GALNT2: variants seen among roughly 807,000 people sequenced by gnomAD.
The protein encoded by GALNT2 is polypeptide N-acetylgalactosaminyltransferase 2, also known as UDP-GalNAc:polypeptide N-acetylgalactosaminyltransferase 2.
In GALNT2, 31 loss-of-function variants were observed where a neutral mutation model predicts 81.4. The ratio of observed to expected loss-of-function variants is 0.38; its 90% CI spans 0.29 to 0.51. The LOEUF is 0.51. Ranked by LOEUF, GALNT2 falls within the 20% of genes least tolerant of loss-of-function variation. The pLI is 0.87. For missense variants in GALNT2, 629 were observed against 765.7 expected (o/e 0.82, Z 2.11); for synonymous variants, 303 against 287.4 (o/e 1.05, Z -0.55).
intron 3 of GALNT2, among the ~76,000 whole-genome samples, chr1:230,230,417 C>T (rs545296338): frequency 2.6e-5 from 4 of 152,298 alleles, no homozygotes; most frequent in South Asian, 2.1e-4. Context: ...AGTTTTTCCA[C>T]GGGAACCTGA....
intron 1 of GALNT2, among the ~76,000 whole-genome samples, chr1:230,059,688 C>T (rs183494822): frequency 4.3e-4 from 65 of 152,198 alleles, no homozygotes; most frequent in South Asian, 8.3e-4. Flanking sequence ...TTAAAGAAAA[C>T]GATTTCAAAC....
intron 14 of GALNT2, among the ~76,000 whole-genome samples, chr1:230,272,171 A>G (rs541215813): frequency 3.0e-4 from 46 of 152,314 alleles, no homozygotes; most frequent in African/African-American, 1.1e-3. Flanking sequence ...ATGATGTCAC[A>G]CTGTCCTAGA....
intron 1 of GALNT2, among the ~76,000 whole-genome samples, chr1:230,091,288 A>C (rs186096044): frequency 6.6e-6 from 1 of 150,760 alleles, no homozygotes; most frequent in East Asian, 2.0e-4. Flanking sequence ...GTTGGCCAGG[A>C]TGGTCTTGAT....
At chr1:230,278,849 C>T (rs901954650) in intron 15 of GALNT2, among the ~76,000 whole-genome samples, 1 of 152,218 alleles carries the variant, frequency 6.6e-6, no homozygotes, top group Non-Finnish European at 1.5e-5. Flanking sequence ...GGTGCCCAGA[C>T]CAAGGCCTCC....
At chr1:230,130,558 G>A (rs1661335341) in intron 1 of GALNT2, among the ~76,000 whole-genome samples, 1 of 152,166 alleles carries the variant, frequency 6.6e-6, no homozygotes, top group South Asian at 2.1e-4. Flanking sequence ...GTCAGCCAGC[G>A]TGAGTCACGT....
chr1:230,058,602 G>C (rs1658974041), intron 1 of GALNT2, among the ~76,000 whole-genome samples: 1 of 152,194 alleles, frequency 6.6e-6, no homozygotes, highest in Admixed American at 6.5e-5. Context: ...TACTTGATAG[G>C]ACTGTTGCGA....
chr1:230,189,248 G>A (rs1342757464), intron 2 of GALNT2, among the ~76,000 whole-genome samples: 1 of 152,122 alleles, frequency 6.6e-6, no homozygotes, highest in Non-Finnish European at 1.5e-5. Context: ...GTTCAGAAAG[G>A]AGAGTCCTAA....
intron 1 of GALNT2, among the ~76,000 whole-genome samples, chr1:230,147,721 C>T (rs75657711): frequency 0.01 from 1,567 of 152,324 alleles, 28 homozygotes; most frequent in African/African-American, 0.036. Context: ...CCTTCCTCCT[C>T]CAAGAGTCCC....
Position 230,236,643 on chromosome 1 carries a change from T to A in GALNT2, c.542-17T>A. 3 of 1,607,208 alleles carry A rather than the reference T, an allele frequency of 1.9e-6. No individual in the cohort carries two copies. Among genetic ancestry groups the A allele is most frequent in the Non-Finnish European group, 2.5e-6 (3 of 1,178,136 alleles). On this transcript the variant is annotated splice_polypyrimidine_tract_variant and intron_variant, in intron 5 of 15. Transcript: ENST00000366672. The stretch of plus-strand genomic sequence containing the variant: ...GAACTCCAGGTTCAAAATGCTCTGC[T>A]TCTTTTCTTTTCCTAGCTGAGGACG...
chr1:230,212,606 C>T (rs367999581), intron 3 of GALNT2, among the ~76,000 whole-genome samples: 1 of 151,894 alleles, frequency 6.6e-6, no homozygotes, highest in East Asian at 1.9e-4. Context: ...GCAGGCTCAG[C>T]GAGATATACG....
chr1:230,060,507 A>G (rs1479620005), intron 1 of GALNT2, among the ~76,000 whole-genome samples: 2 of 151,966 alleles, frequency 1.3e-5, no homozygotes, highest in Non-Finnish European at 2.9e-5. Context: ...ACCAGCTACT[A>G]AATCCCCCAT....
At chr1:230,183,273 T>C (rs1438245765) in intron 2 of GALNT2, among the ~76,000 whole-genome samples, 1 of 152,224 alleles carries the variant, frequency 6.6e-6, no homozygotes, top group Non-Finnish European at 1.5e-5. Flanking sequence ...ATGTACACAG[T>C]GATTGTTGAT....
chr1:230,090,173 T>G (rs998289886), intron 1 of GALNT2, among the ~76,000 whole-genome samples: 1 of 152,224 alleles, frequency 6.6e-6, no homozygotes, highest in Non-Finnish European at 1.5e-5. Flanking sequence ...TGGGTGTCTG[T>G]CACCAAGATA....
intron 3 of GALNT2, among the ~76,000 whole-genome samples, chr1:230,232,608 G>T (rs748600800): frequency 2.0e-5 from 3 of 152,146 alleles, no homozygotes; most frequent in African/African-American, 4.8e-5. Context: ...AGCAATTCCC[G>T]CTGTGTTAAG....
rs532334780 is a variant in GALNT2, at chr1:230,213,058, C to T, written c.374+9768C>T. ...CCTGAGTGGCTGCCCACATGTGTGG[C>T]TCAGTTTCCCCATCTGTAACTCTGG... On this transcript the variant is annotated intron_variant, in intron 3 of 15. Transcript: ENST00000366672. 1.8e-3 allele frequency among the ~76,000 whole-genome samples: 279 copies of T among 152,346 alleles called. 1 individual carries two copies. The highest frequency in any genetic ancestry group is 6.3e-3 in the African/African-American group (260 of 41,576).
At chr1:230,181,088 C>CTT (rs57045807) in intron 2 of GALNT2, among the ~76,000 whole-genome samples, 31 of 150,022 alleles carry the variant, frequency 2.1e-4, no homozygotes, top group Non-Finnish European at 3.4e-4. Flanking sequence ...AATCTTTATA[C>CTT]TTTTTTTTTT....
At chr1:230,097,831 A>G (rs1451887456) in intron 1 of GALNT2, among the ~76,000 whole-genome samples, 1 of 152,228 alleles carries the variant, frequency 6.6e-6, no homozygotes, top group African/African-American at 2.4e-5. Flanking sequence ...AATGTACATT[A>G]TATTTTTAAT....
intron 14 of GALNT2, 64 bp from the exon 15 acceptor site, chr1:230,274,381 G>A (rs548121909): frequency 5.7e-5 from 90 of 1,575,230 alleles, no homozygotes; most frequent in South Asian, 8.2e-5. Flanking sequence ...CCTCATCGAT[G>A]CCCCTTCTTT....
chr1:230,087,201 C>T (rs1020400380), intron 1 of GALNT2, among the ~76,000 whole-genome samples: 6 of 152,226 alleles, frequency 3.9e-5, no homozygotes, highest in Admixed American at 6.5e-5. Flanking sequence ...CCAGTGCACA[C>T]TCTCCCCATA....
Sources: allele counts gnomAD v4.1 joint callset (sites outside exome capture counted in the v4.1 genomes callset), GRCh38; gene constraint gnomAD v4.1.1; transcripts MANE v1.5; gene names NCBI Gene and HGNC (gene_info 2026-07-23, HGNC 2026-07-21).